LOC400499: variants seen among roughly 807,000 people sequenced by gnomAD.
the LOC400499 span, among the ~76,000 whole-genome samples, chr16:11,420,600 C>G: frequency 1.3e-4 from 10 of 76,558 alleles, no homozygotes; most frequent in South Asian, 8.6e-4. Flanking sequence ...ATAATAAACC[C>G]CCCCCCCCGG....
chr16:11,462,253 C>A, the LOC400499 span: 1 of 1,528,936 alleles, frequency 6.5e-7, no homozygotes, highest in Non-Finnish European at 8.8e-7. Context: ...CCAGCTGCGC[C>A]TGGAACCGCT....
At chr16:11,473,172 G>C in the LOC400499 span, 4 of 150,606 alleles carry the variant, frequency 2.7e-5, no homozygotes, top group South Asian at 4.2e-4. Context: ...CAGGAAATTA[G>C]AAAGAAAATC....
chr16:11,422,557 CTCACCTGTTTTATG>C, the LOC400499 span, among the ~76,000 whole-genome samples: 1 of 117,346 alleles, frequency 8.5e-6, no homozygotes, highest in African/African-American at 2.9e-5. Flanking sequence ...GGCAAGGCCC[CTCACCTGTTTTATG>C]TCACCTGTTT....
the LOC400499 span, among the ~76,000 whole-genome samples, chr16:11,448,426 C>G: frequency 6.6e-6 from 1 of 152,176 alleles, no homozygotes; most frequent in Non-Finnish European, 1.5e-5. Flanking sequence ...TGCCTGTAAT[C>G]CCAACACTTC....
the LOC400499 span, chr16:11,396,738 C>T: frequency 1.2e-5 from 14 of 1,192,090 alleles, no homozygotes; most frequent in South Asian, 4.3e-5. Flanking sequence ...TCTCCCCAGT[C>T]CCCTGCACCG....
the LOC400499 span, among the ~76,000 whole-genome samples, chr16:11,445,960 G>A: frequency 6.6e-6 from 1 of 151,612 alleles, no homozygotes; most frequent in East Asian, 2.0e-4. Context: ...GAGTAGCTGG[G>A]ACTGCAGGTA....
chr16:11,456,199 C>T, the LOC400499 span, among the ~76,000 whole-genome samples: 2 of 152,036 alleles, frequency 1.3e-5, no homozygotes, highest in African/African-American at 2.4e-5. Context: ...TGCCTGCCAC[C>T]ACACATGGCT....
the LOC400499 span, chr16:11,380,821 G>A: frequency 1.3e-5 from 2 of 152,178 alleles, no homozygotes; most frequent in African/African-American, 4.8e-5. Context: ...GGCTGACGTA[G>A]CGGACTCAAA....
At chr16:11,424,937 G>T in the LOC400499 span, among the ~76,000 whole-genome samples, 1 of 152,196 alleles carries the variant, frequency 6.6e-6, no homozygotes, top group African/African-American at 2.4e-5. Context: ...CTGGTGCCCT[G>T]AAGCTGCATG....
chr16:11,412,919 A>G, the LOC400499 span: 1 of 399,032 alleles, frequency 2.5e-6, no homozygotes, highest in South Asian at 1.3e-4. Flanking sequence ...TGAGGAGCTC[A>G]TCTCTTCTGC....
the LOC400499 span, chr16:11,383,929 A>G: frequency 1.6e-6 from 2 of 1,231,884 alleles, no homozygotes; most frequent in Non-Finnish European, 2.0e-6. Context: ...GCCCTCGAAG[A>G]AGGCCCAGCA....
the LOC400499 span, chr16:11,448,945 T>C: frequency 6.7e-7 from 1 of 1,497,056 alleles, no homozygotes; most frequent in Non-Finnish European, 9.0e-7. Flanking sequence ...TAGGCCGCTG[T>C]TAGGTTCAGC....
At chr16:11,407,985 T>G in the LOC400499 span, among the ~76,000 whole-genome samples, 20 of 142,434 alleles carry the variant, frequency 1.4e-4, no homozygotes, top group South Asian at 4.8e-4. Context: ...TTTTTTTTTT[T>G]TTTTTTTTTT....
chr16:11,436,455 C>A, the LOC400499 span, among the ~76,000 whole-genome samples: 7 of 152,154 alleles, frequency 4.6e-5, no homozygotes, highest in Non-Finnish European at 1.0e-4. Context: ...AGGTCCAAGG[C>A]TCCACCAGCT....
chr16:11,508,239 C>G, the LOC400499 span, among the ~76,000 whole-genome samples: 18 of 152,300 alleles, frequency 1.2e-4, no homozygotes, highest in East Asian at 3.5e-3. Context: ...CATCACAGCA[C>G]AGCCTCAGGG....
At chr16:11,501,392 C>T in the LOC400499 span, among the ~76,000 whole-genome samples, 1 of 152,158 alleles carries the variant, frequency 6.6e-6, no homozygotes, top group Non-Finnish European at 1.5e-5. Flanking sequence ...GGGTCTCACT[C>T]TGTCACCCAG....
the LOC400499 span, chr16:11,424,117 G>T: frequency 2.0e-5 from 8 of 399,448 alleles, no homozygotes; most frequent in East Asian, 2.8e-4. Context: ...ACCTGGAAGT[G>T]CCCGTGGCCA....
the LOC400499 span, among the ~76,000 whole-genome samples, chr16:11,497,831 AAATTT>A: frequency 0.66 from 99,471 of 150,204 alleles, 32,898 homozygotes; most frequent in Admixed American, 0.74. Flanking sequence ...AAAGGGAAAT[AAATTT>A]AAAAAAAAAA....
At chr16:11,499,652 C>G in the LOC400499 span, among the ~76,000 whole-genome samples, 1 of 152,122 alleles carries the variant, frequency 6.6e-6, no homozygotes, top group South Asian at 2.1e-4. Flanking sequence ...TGGACCAGCT[C>G]CAGGGGCTCT....
Sources: gnomAD v4.1 joint callset for allele counts (sites outside exome capture counted in the v4.1 genomes callset) on GRCh38, gnomAD v4.1.1 for gene constraint, MANE v1.5 for transcripts.